PLCH1: variants seen among roughly 807,000 people sequenced by gnomAD.
PLCH1 encodes 1-phosphatidylinositol 4,5-bisphosphate phosphodiesterase eta-1.
A neutral mutation model predicts 126.7 loss-of-function variants in PLCH1; 60 were observed. The observed-to-expected ratio is 0.47, with a 90% CI of 0.38 to 0.59. PLCH1 has a LOEUF of 0.59. Among genes scored for constraint, PLCH1 ranks in the 20% least tolerant of loss-of-function variants. The probability of loss-of-function intolerance (pLI) is 0.00; values close to 1 mark genes in which losing one functional copy is unlikely to be tolerated. For missense variants in PLCH1, 1,723 were observed against 2,040.0 expected (o/e 0.84, Z 2.99); for synonymous variants, 719 against 734.9 (o/e 0.98, Z 0.35).
intron 8 of PLCH1, among the ~76,000 whole-genome samples, chr3:155,561,546 G>T (rs1248157043): frequency 6.6e-6 from 1 of 151,696 alleles, no homozygotes; most frequent in Non-Finnish European, 1.5e-5. Flanking sequence ...TTGGACATTT[G>T]GGTTGGTTCC....
intron 3 of PLCH1, among the ~76,000 whole-genome samples, chr3:155,594,595 T>A (rs144456850): frequency 0.017 from 2,599 of 152,082 alleles, 28 homozygotes; most frequent in South Asian, 0.027. Context: ...AATAAGTAAG[T>A]ATGAAAAAAT....
At position 155,482,600 on chromosome 3, in the gene PLCH1, G is replaced by A; in HGVS notation, c.3426C>T (p.Ser1142=). 6.2e-7 allele frequency: 1 copy of A among 1,614,198 alleles called. No homozygotes were observed. Among genetic ancestry groups the A allele is most frequent in the Non-Finnish European group, 8.5e-7 (1 of 1,180,016 alleles). Residue 1142 remains serine (S), a synonymous_variant, in exon 23 of 23, where the codon TCC becomes TCT. Coordinates refer to ENST00000460012, the MANE Select transcript of PLCH1 (RefSeq NM_014996.4). ...GNRGKGRAAT[S]FSLSDVSMLC... Reference sequence around the variant, plus strand: ...GCATGGAGACGTCTGACAAAGAAAAGGATGTTGCAGCTCGGCCCTTACCCC... The same window carrying A: ...GCATGGAGACGTCTGACAAAGAAAAAGATGTTGCAGCTCGGCCCTTACCCC...
chr3:155,619,484 A>T (rs1736191292), intron 2 of PLCH1, among the ~76,000 whole-genome samples: 1 of 140,870 alleles, frequency 7.1e-6, no homozygotes, highest in African/African-American at 2.9e-5. Context: ...TTTTCAAAAC[A>T]AAAACAGAAA....
intron 1 of PLCH1, among the ~76,000 whole-genome samples, chr3:155,715,587 G>A (rs1244193115): frequency 6.7e-6 from 1 of 149,864 alleles, no homozygotes; most frequent in African/African-American, 2.5e-5. Context: ...TTATAGGAAT[G>A]AGCCACCACA....
At chr3:155,533,978 G>A (rs2108347998) in intron 10 of PLCH1, among the ~76,000 whole-genome samples, 1 of 152,366 alleles carries the variant, frequency 6.6e-6, no homozygotes, top group East Asian at 1.9e-4. Context: ...ACACCTGGAT[G>A]CCTAGGCAGA....
chr3:155,566,112 C>A (rs62286065), intron 7 of PLCH1, among the ~76,000 whole-genome samples: 1 of 48,862 alleles, frequency 2.0e-5, no homozygotes, highest in Non-Finnish European at 6.5e-5. Context: ...TATATATATA[C>A]ATATATATAT....
At chr3:155,606,331 T>C (rs1074496) in intron 2 of PLCH1, among the ~76,000 whole-genome samples, 8,087 of 152,250 alleles carry the variant, frequency 0.053, 258 homozygotes, top group Middle Eastern at 0.1. Flanking sequence ...AAAACTCTGT[T>C]TTCCTCATGG....
intron 10 of PLCH1, among the ~76,000 whole-genome samples, chr3:155,537,201 CCAA>C (rs1723504738): frequency 1.0e-3 from 138 of 132,062 alleles, no homozygotes; most frequent in Middle Eastern, 3.9e-3. Flanking sequence ...AAAAAAAAAA[CCAA>C]AAAAAAAAAA....
At chr3:155,550,953 G>A (rs1201910935) in intron 9 of PLCH1, among the ~76,000 whole-genome samples, 1 of 152,174 alleles carries the variant, frequency 6.6e-6, no homozygotes, top group Non-Finnish European at 1.5e-5. Context: ...CCATCTTACA[G>A]ATGAGCCTTT....
chr3:155,682,887 A>G (rs778642013), intron 2 of PLCH1, among the ~76,000 whole-genome samples: 10 of 152,214 alleles, frequency 6.6e-5, no homozygotes, highest in Non-Finnish European at 1.5e-4. Context: ...TTTCCATCCA[A>G]TGCTTGCTGA....
chr3:155,714,161 G>T (rs954483818), intron 1 of PLCH1, among the ~76,000 whole-genome samples: 1 of 152,130 alleles, frequency 6.6e-6, no homozygotes, highest in African/African-American at 2.4e-5. Context: ...TTGCACCCAG[G>T]TATCCCTAAA....
At chr3:155,549,116 A>G (rs527553077) in intron 10 of PLCH1, among the ~76,000 whole-genome samples, 2 of 152,356 alleles carry the variant, frequency 1.3e-5, no homozygotes, top group African/African-American at 4.8e-5. Context: ...ACTGGAAATA[A>G]GTAAAACCAC....
At chr3:155,613,529 T>C (rs529434850) in intron 2 of PLCH1, among the ~76,000 whole-genome samples, 1 of 152,244 alleles carries the variant, frequency 6.6e-6, no homozygotes, top group African/African-American at 2.4e-5. Context: ...TTACACCACA[T>C]GAACAGAACT....
chr3:155,592,174 TA>T (rs11329108), intron 4 of PLCH1, among the ~76,000 whole-genome samples: 59,255 of 129,276 alleles, frequency 0.46, 14,059 homozygotes, highest in Non-Finnish European at 0.56. Flanking sequence ...TTTTCTCTTT[TA>T]AAAAAAAAAA....
At chr3:155,533,696 G>T (rs139655726) in intron 10 of PLCH1, among the ~76,000 whole-genome samples, 1 of 152,320 alleles carries the variant, frequency 6.6e-6, no homozygotes, top group East Asian at 1.9e-4. Context: ...CTTCATGGCA[G>T]CCCCTCCCAT....
At chr3:155,550,587 A>G (rs1479743102) in intron 9 of PLCH1, among the ~76,000 whole-genome samples, 21 of 152,224 alleles carry the variant, frequency 1.4e-4, no homozygotes. Flanking sequence ...CACAGAAAAC[A>G]TGAGATCCAT....
intron 21 of PLCH1, among the ~76,000 whole-genome samples, chr3:155,460,794 AT>A (rs1395180288): frequency 3.6e-4 from 26 of 72,832 alleles, no homozygotes; most frequent in East Asian, 2.0e-3. Flanking sequence ...TAGAAGATAG[AT>A]AGATAGATAG....
intron 5 of PLCH1, among the ~76,000 whole-genome samples, chr3:155,584,169 C>T (rs917434256): frequency 2.0e-5 from 3 of 151,854 alleles, no homozygotes; most frequent in South Asian, 2.1e-4. Flanking sequence ...GTAACATACA[C>T]GTGAGAAAGA....
intron 5 of PLCH1, 35 bp from the exon 6 acceptor site, chr3:155,583,677 A>T: frequency 6.8e-7 from 1 of 1,471,108 alleles, no homozygotes; most frequent in Non-Finnish European, 9.1e-7. Flanking sequence ...AGTAATATGA[A>T]AGTTAGAAAT....
Sources: allele counts gnomAD v4.1 joint callset (sites outside exome capture counted in the v4.1 genomes callset), GRCh38; gene constraint gnomAD v4.1.1; transcripts MANE v1.5; gene names NCBI Gene and HGNC (gene_info 2026-07-23, HGNC 2026-07-21).